ANO3: variants seen among roughly 807,000 people sequenced by gnomAD.
ANO3 encodes anoctamin 3.
ANO3 carries 99 observed loss-of-function variants against 144.8 expected under a neutral mutation model. That is an observed-to-expected ratio of 0.68 (90% CI 0.58 to 0.81). The LOEUF (loss-of-function observed/expected upper bound fraction) is 0.81, where lower values mean the gene tolerates loss of function less well. ANO3 is among the 30% of genes least tolerant of loss of function. The pLI is 0.00. For synonymous variants in ANO3, 414 were observed against 392.6 expected (o/e 1.05, Z -0.64); for missense variants, 905 against 1,202.2 (o/e 0.75, Z 3.66).
At chr11:26,382,313 C>A (rs897418549) in intron 1 of ANO3, among the ~76,000 whole-genome samples, 10 of 152,078 alleles carry the variant, frequency 6.6e-5, no homozygotes, top group Non-Finnish European at 2.9e-5. Flanking sequence ...TGATAGTTTT[C>A]AAAGCAATGC....
chr11:26,543,631 C>T (rs1269940728), intron 11 of ANO3, among the ~76,000 whole-genome samples: 1 of 152,030 alleles, frequency 6.6e-6, no homozygotes, highest in Non-Finnish European at 1.5e-5. Flanking sequence ...ACGACAGGCC[C>T]CAGTGTGTGA....
At position 26,198,822 on chromosome 11, in the gene ANO3, G is replaced by C. The variant is rs116293887; in HGVS notation, c.154+9492G>C. ...TCCAATGCAGACTTCCAACTTACTG[G>C]CTTATCGTTGAGCCAGTACGTTTCT... On this transcript the variant is annotated intron_variant, in intron 1 of 27. Transcript: ENST00000672621. 2.2e-3 allele frequency among the ~76,000 whole-genome samples: 336 copies of C among 152,226 alleles called. 2 individuals carry two copies. The highest frequency in any genetic ancestry group is 7.8e-3 in the African/African-American group (322 of 41,538).
intron 17 of ANO3, among the ~76,000 whole-genome samples, chr11:26,600,958 C>T (rs1291437202): frequency 6.6e-6 from 1 of 152,098 alleles, no homozygotes; most frequent in Non-Finnish European, 1.5e-5. Context: ...CAAGAGTATG[C>T]ATAGGCCTAC....
intron 1 of ANO3, among the ~76,000 whole-genome samples, chr11:26,409,373 T>C (rs1205474370): frequency 1.3e-5 from 2 of 151,954 alleles, no homozygotes; most frequent in South Asian, 2.1e-4. Flanking sequence ...TTTTTGTACA[T>C]GTAGTATTTA....
chr11:26,505,244 T>A (rs963272618), intron 4 of ANO3, among the ~76,000 whole-genome samples: 1 of 152,022 alleles, frequency 6.6e-6, no homozygotes, highest in African/African-American at 2.4e-5. Context: ...AAAAAGACGA[T>A]TCAAAATGTT....
chr11:26,398,700 C>G (rs978842499), intron 1 of ANO3, among the ~76,000 whole-genome samples: 1 of 152,044 alleles, frequency 6.6e-6, no homozygotes, highest in African/African-American at 2.4e-5. Context: ...CTTTCACTGA[C>G]TAGCAGAGAC....
chr11:26,639,553 A>G (rs4480494), intron 21 of ANO3, among the ~76,000 whole-genome samples: 57,482 of 152,056 alleles, frequency 0.38, 11,737 homozygotes, highest in South Asian at 0.49. Context: ...GACATTACGG[A>G]TTGTATATAT....
chr11:26,319,388 T>C (rs1177588390), intron 1 of ANO3, among the ~76,000 whole-genome samples: 2 of 152,146 alleles, frequency 1.3e-5, no homozygotes, highest in African/African-American at 4.8e-5. Context: ...AGTATGTAAC[T>C]TTCTATATGT....
chr11:26,400,257 G>A (rs944420814), intron 1 of ANO3, among the ~76,000 whole-genome samples: 3 of 151,910 alleles, frequency 2.0e-5, no homozygotes, highest in Non-Finnish European at 4.4e-5. Flanking sequence ...TGGATTGCTG[G>A]TACATTTTCA....
chr11:26,494,843 G>T (rs1042823546), intron 4 of ANO3, among the ~76,000 whole-genome samples: 12 of 152,058 alleles, frequency 7.9e-5, no homozygotes, highest in Non-Finnish European at 1.8e-4. Context: ...GAAATTGTAC[G>T]CATGATTTGA....
At chr11:26,324,860 G>A (rs1173980612) in intron 1 of ANO3, among the ~76,000 whole-genome samples, 3 of 152,094 alleles carry the variant, frequency 2.0e-5, no homozygotes. Context: ...CAAGTTTCTG[G>A]GTGATCACGT....
At chr11:26,331,091 A>G (rs1406183017), upstream of ANO3, among the ~76,000 whole-genome samples, 1 of 152,200 alleles carries the variant, frequency 6.6e-6, no homozygotes, top group Admixed American at 6.5e-5. Flanking sequence ...TGGCCACTGC[A>G]GTTTGGTCTT....
chr11:26,491,715 C>G (rs1461689901), intron 4 of ANO3, among the ~76,000 whole-genome samples: 1 of 152,152 alleles, frequency 6.6e-6, no homozygotes. Flanking sequence ...TGTCCGCAAC[C>G]TTCCCATACG....
intron 1 of ANO3, among the ~76,000 whole-genome samples, chr11:26,384,361 T>C (rs1375633672): frequency 2.0e-5 from 3 of 152,126 alleles, no homozygotes; most frequent in Non-Finnish European, 4.4e-5. Context: ...ACTTTAGACA[T>C]AAGACAGACA....
chr11:26,434,299 T>C (rs1858219988), intron 1 of ANO3, among the ~76,000 whole-genome samples: 1 of 152,154 alleles, frequency 6.6e-6, no homozygotes, highest in Non-Finnish European at 1.5e-5. Context: ...TCTGATTGTG[T>C]TTACATGAAT....
chr11:26,268,944 T>A (rs1853376570), intron 1 of ANO3, among the ~76,000 whole-genome samples: 1 of 152,036 alleles, frequency 6.6e-6, no homozygotes, highest in Non-Finnish European at 1.5e-5. Context: ...CATGTACAAA[T>A]ATGACTTTCC....
chr11:26,572,646 T>C (rs575389210), intron 14 of ANO3, among the ~76,000 whole-genome samples: 1 of 152,280 alleles, frequency 6.6e-6, no homozygotes, highest in South Asian at 2.1e-4. Flanking sequence ...GGGTCAGTAG[T>C]GAGGCGTCTA....
At chr11:26,513,001 A>G (rs1405496799) in intron 5 of ANO3, among the ~76,000 whole-genome samples, 1 of 152,336 alleles carries the variant, frequency 6.6e-6, no homozygotes, top group East Asian at 1.9e-4. Flanking sequence ...CTAGGGATAC[A>G]TAAGCAAAAC....
At chr11:26,497,112 A>G (rs1353809999) in intron 4 of ANO3, among the ~76,000 whole-genome samples, 1 of 151,648 alleles carries the variant, frequency 6.6e-6, no homozygotes, top group Admixed American at 6.6e-5. Flanking sequence ...GTGTGTGTAT[A>G]TATGTATACA....
Sources: allele counts gnomAD v4.1 joint callset (sites outside exome capture counted in the v4.1 genomes callset), GRCh38; gene constraint gnomAD v4.1.1; transcripts MANE v1.5; gene names NCBI Gene and HGNC (gene_info 2026-07-23, HGNC 2026-07-21).